HDLBP: variants seen among roughly 807,000 people sequenced by gnomAD.
HDLBP encodes vigilin.
HDLBP carries 30 observed loss-of-function variants against 137.3 expected under a neutral mutation model. The observed-to-expected ratio is 0.22, with a 90% CI of 0.16 to 0.30. HDLBP has a LOEUF of 0.30. Among genes scored for constraint, HDLBP ranks in the 10% least tolerant of loss-of-function variants. The pLI, the probability that HDLBP is intolerant of heterozygous loss-of-function variation, is 1.00. For synonymous variants in HDLBP, 606 were observed against 596.0 expected, an observed-to-expected ratio of 1.02 and a Z score of -0.24; for missense variants, 1,119 against 1,667.3, an observed-to-expected ratio of 0.67 and a Z score of 5.73.
rs147457010 is a variant in HDLBP at position 241,239,680 on chromosome 2, G to A, written c.2532C>T (p.Ser844=). The A allele has an allele frequency of 1.2e-5, 19 of 1,614,024 alleles. No homozygotes were observed. The highest frequency in any genetic ancestry group is 6.7e-5 in the African/African-American group (5 of 74,910). The change falls in exon 19 of 28, where the codon AGC becomes AGT. Residue 844 remains serine, a synonymous_variant. Transcript: ENST00000310931. This position sits in a 1 kb window ranked among gnomAD's most constrained non-coding sequence, Gnocchi z 4.6. The part of the protein sequence containing the change: ...MVSFPRSGTQ[S]DKVTLKGAKD... Reference sequence around the variant, plus strand: ...TGGCGCCCTTGAGGGTGACTTTGTCGCTCTGTGTGCCAGAGCGTGGGAAGC... The same window carrying A: ...TGGCGCCCTTGAGGGTGACTTTGTCACTCTGTGTGCCAGAGCGTGGGAAGC...
Position 241,273,523 on chromosome 2 carries a change from G to A in HDLBP, c.-102-4982C>T, listed in dbSNP as rs1048833049. On this transcript the variant is annotated intron_variant, in intron 1 of 27. Coordinates refer to ENST00000310931, the MANE Select transcript of HDLBP (RefSeq NM_005336.6). ...TCTCGGGGTCTCCACCCTCCGGGAA[G>A]GACTTGTCACTTCTGCATCCATTGT... is the stretch of plus-strand genomic sequence containing the variant. The A allele has an allele frequency of 7.9e-6, 7 of 889,254 alleles. No homozygotes were observed. The African/African-American group carries it at 1.1e-4, about 14-fold the overall frequency. 55.1% of individuals were successfully genotyped at this position (889,254 alleles called of 1,614,324 possible).
chr2:241,298,180 C>T (rs1012204835), intron 1 of HDLBP, among the ~76,000 whole-genome samples: 2 of 149,332 alleles, frequency 1.3e-5, no homozygotes, highest in African/African-American at 2.5e-5. Flanking sequence ...GCCTGGGCCA[C>T]GTGGTGAAAC....
At chr2:241,292,129 G>C (rs2075030741) in intron 1 of HDLBP, among the ~76,000 whole-genome samples, 1 of 152,116 alleles carries the variant, frequency 6.6e-6, no homozygotes, top group African/African-American at 2.4e-5. Context: ...CATGTAACCT[G>C]GCTGCTCAAC....
chr2:241,275,827 TTTTCA>T (rs1485946758), intron 1 of HDLBP, among the ~76,000 whole-genome samples: 2 of 151,824 alleles, frequency 1.3e-5, no homozygotes, highest in Admixed American at 1.3e-4. Flanking sequence ...TAAGAATTCT[TTTTCA>T]TTTAAGAATG....
intron 1 of HDLBP, among the ~76,000 whole-genome samples, chr2:241,271,548 C>T (rs2074037764): frequency 6.6e-6 from 1 of 152,108 alleles, no homozygotes; most frequent in Non-Finnish European, 1.5e-5. Flanking sequence ...TACTTTTTTG[C>T]TTTTAAACGA....
intron 1 of HDLBP, among the ~76,000 whole-genome samples, chr2:241,275,077 C>T (rs1479713552): frequency 6.6e-6 from 1 of 152,186 alleles, no homozygotes; most frequent in Admixed American, 6.5e-5. Flanking sequence ...ACAGAAGCAT[C>T]TCTTGAGCTG....
At position 241,261,039 on chromosome 2, in the gene HDLBP, C is replaced by CAA. The variant is rs11382181; in HGVS notation, c.450+1670_450+1671dup. ...AAACCCGCATCTGCCAAAAAACAAA[C>CAA]AAAAAAAAAGCCGGGCCTGATGGTG... On this transcript the variant is annotated intron_variant, in intron 5 of 27. Coordinates refer to ENST00000310931, the MANE Select transcript of HDLBP (RefSeq NM_005336.6). Among the ~76,000 whole-genome samples, 70 of 149,896 alleles carry CAA rather than the reference C, an allele frequency of 4.7e-4. No homozygotes were observed. In the East Asian group the frequency reaches 8.0e-3, roughly 17 times the overall value.
intron 1 of HDLBP, among the ~76,000 whole-genome samples, chr2:241,311,240 G>A (rs1393324413): frequency 6.6e-6 from 1 of 152,142 alleles, no homozygotes; most frequent in Non-Finnish European, 1.5e-5. Context: ...GAATCAGAAC[G>A]GCTTAAGACT....
At chr2:241,300,249 G>A (rs1033163112) in intron 1 of HDLBP, among the ~76,000 whole-genome samples, 2 of 151,846 alleles carry the variant, frequency 1.3e-5, no homozygotes, top group South Asian at 2.1e-4. Flanking sequence ...GGCGCCCCCC[G>A]GTGCTCCATC....
chr2:241,258,820 C>T (rs2072926489), intron 5 of HDLBP, among the ~76,000 whole-genome samples: 1 of 152,194 alleles, frequency 6.6e-6, no homozygotes, highest in Admixed American at 6.5e-5. Flanking sequence ...TTGCCTCTCA[C>T]ATCGGCTAAA....
In HDLBP at chr2:241,238,908, TCC is replaced by T. The variant is rs2070890726; in HGVS notation, c.2611-123_2611-122del. The T allele has an allele frequency of 1.4e-6, 1 of 735,102 alleles. No individual in the cohort carries two copies. Among genetic ancestry groups the T allele is most frequent in the Non-Finnish European group, 2.1e-6 (1 of 484,862 alleles). The allele number at this position is 735,102 out of a possible 1,614,324, so 45.5% of individuals were successfully genotyped here. A position where few individuals can be genotyped will look rare whatever the true frequency, so the allele number is the denominator to read the frequency against. ...CTCTACAGCCACTTGGCACAGATGC[TCC>T]CCTTCTCCCGAGTCCAGGGCTCCAG... On this transcript the variant is annotated intron_variant, in intron 19 of 27. Transcript: ENST00000310931. The surrounding 1 kb of genome is among the most constrained non-coding windows in gnomAD (Gnocchi z 4.9).
At chr2:241,258,555 G>A (rs753625915) in intron 5 of HDLBP, among the ~76,000 whole-genome samples, 25 of 152,044 alleles carry the variant, frequency 1.6e-4, no homozygotes, top group Middle Eastern at 3.4e-3. Context: ...CTGACAACTC[G>A]AAAGCCGTAT....
At chr2:241,279,217 A>T (rs773144258) in intron 1 of HDLBP, among the ~76,000 whole-genome samples, 4 of 152,234 alleles carry the variant, frequency 2.6e-5, no homozygotes, top group Non-Finnish European at 5.9e-5. Flanking sequence ...ATGCAAATGT[A>T]ACTTAAATCC....
chr2:241,279,388 C>A (rs1304357486), intron 1 of HDLBP, among the ~76,000 whole-genome samples: 2 of 152,094 alleles, frequency 1.3e-5, no homozygotes, highest in African/African-American at 4.8e-5. Context: ...CAAATACAAT[C>A]ATATTTACAC....
At chr2:241,293,270 T>C (rs2075064781) in intron 1 of HDLBP, among the ~76,000 whole-genome samples, 1 of 151,350 alleles carries the variant, frequency 6.6e-6, no homozygotes, top group Non-Finnish European at 1.5e-5. Flanking sequence ...AGCCCAGGAG[T>C]TTGAGACCAG....
intron 1 of HDLBP, among the ~76,000 whole-genome samples, chr2:241,296,999 G>A (rs199662894): frequency 2.0e-5 from 3 of 152,382 alleles, no homozygotes; most frequent in East Asian, 3.9e-4. Context: ...ACAGTAAGGC[G>A]CTGTTACCAA....
rs1022006241 is a variant in HDLBP, at chr2:241,240,828, G to GC, written c.2170-707dup. On this transcript the variant is annotated intron_variant, in intron 17 of 27. Coordinates refer to ENST00000310931, the MANE Select transcript of HDLBP (RefSeq NM_005336.6). The surrounding 1 kb of genome is among the most constrained non-coding windows in gnomAD (Gnocchi z 5.5). ...GTGCTTCTGGCAGACCCACGCAGGG[G>GC]CCCCGAGAAGGGCGCTGCTCCACGG... 1.3e-4 allele frequency among the ~76,000 whole-genome samples: 20 copies of GC among 152,270 alleles called. No homozygotes were observed. Among genetic ancestry groups the GC allele is most frequent in the Admixed American group, 9.2e-4 (14 of 15,286 alleles).
At chr2:241,277,785 A>T (rs2074445257) in intron 1 of HDLBP, among the ~76,000 whole-genome samples, 1 of 152,074 alleles carries the variant, frequency 6.6e-6, no homozygotes, top group Middle Eastern at 3.2e-3. Flanking sequence ...AACATGATGA[A>T]ACCCTATCTC....
intron 1 of HDLBP, among the ~76,000 whole-genome samples, chr2:241,312,687 G>A (rs906711017): frequency 6.6e-6 from 1 of 152,282 alleles, no homozygotes; most frequent in Admixed American, 6.5e-5. Flanking sequence ...ATCACCATTT[G>A]CCTATGGGAT....
Sources: gnomAD v4.1 joint callset for allele counts (sites outside exome capture counted in the v4.1 genomes callset) on GRCh38, gnomAD v4.1.1 for gene constraint, Gnocchi (gnomAD v3.1) non-coding constraint, MANE v1.5 for transcripts, NCBI Gene and HGNC (gene_info 2026-07-23, HGNC 2026-07-21) for gene names.